SIK3: variants seen among roughly 807,000 people sequenced by gnomAD.
SIK3 encodes SIK family kinase 3.
Under a neutral mutation model 144.2 loss-of-function variants are expected in SIK3, and 28 were observed. The observed-to-expected ratio is 0.19, with a 90% CI of 0.14 to 0.27. SIK3 has a LOEUF of 0.27. Among genes scored for constraint, SIK3 ranks in the 10% least tolerant of loss-of-function variants. The pLI, the probability that SIK3 is intolerant of heterozygous loss-of-function variation, is 1.00. For synonymous variants in SIK3, 686 were observed against 676.3 expected (o/e 1.01, Z -0.22); for missense variants, 1,319 against 1,776.0 (o/e 0.74, Z 4.62).
chr11:116,854,549 T>C (rs1249553029), intron 21 of SIK3, among the ~76,000 whole-genome samples: 1 of 152,160 alleles, frequency 6.6e-6, no homozygotes, highest in East Asian at 1.9e-4. Context: ...GAGGACAGGT[T>C]ATCCTTTCAT....
intron 15 of SIK3, 183 bp from the exon 16 acceptor site, chr11:116,864,001 C>A: frequency 1.9e-6 from 1 of 538,330 alleles, no homozygotes; most frequent in Non-Finnish European, 3.2e-6. Flanking sequence ...CTTTAGAGGG[C>A]TCCAGGTGTA....
In SIK3 at chr11:116,875,508, A is replaced by C; in HGVS notation, c.1240-57T>G. 2.0e-6 allele frequency: 3 copies of C among 1,537,716 alleles called. No individual in the cohort carries two copies. In the South Asian group the frequency reaches 3.5e-5, roughly 18 times the overall value. On this transcript the variant is annotated intron_variant, in intron 9 of 24. Transcript: ENST00000445177. ...CCTTTAACACTAGAGAGAAATAATG[A>C]GTCTTTCCAAGTAGTCTTGATTGCT...
At chr11:117,039,629 T>C (rs1466921112) in intron 1 of SIK3, among the ~76,000 whole-genome samples, 1 of 152,196 alleles carries the variant, frequency 6.6e-6, no homozygotes, top group Non-Finnish European at 1.5e-5. Flanking sequence ...AAAAGACATA[T>C]TTTTTTAAGA....
intron 6 of SIK3, 144 bp downstream of exon 6, chr11:116,896,109 C>T: frequency 8.8e-7 from 1 of 1,131,054 alleles, no homozygotes; most frequent in South Asian, 1.4e-5. Context: ...AGAACCTTGC[C>T]TCCTGGAGGC....
chr11:116,853,235 G>A (rs1223153204), intron 21 of SIK3, among the ~76,000 whole-genome samples: 1 of 152,170 alleles, frequency 6.6e-6, no homozygotes, highest in Non-Finnish European at 1.5e-5. Context: ...GAGTCTAGAA[G>A]TCCTTTGTGA....
chr11:116,951,983 T>C (rs1257086220), intron 3 of SIK3, among the ~76,000 whole-genome samples: 1 of 132,848 alleles, frequency 7.5e-6, no homozygotes, highest in Admixed American at 7.6e-5. Flanking sequence ...AATAAATAAA[T>C]AAAATCTGCT....
chr11:116,948,205 T>C (rs1239758223), intron 3 of SIK3, among the ~76,000 whole-genome samples: 2 of 152,144 alleles, frequency 1.3e-5, no homozygotes, highest in Admixed American at 1.3e-4. Flanking sequence ...CCCAAAGTGC[T>C]AGGATTATAG....
intron 4 of SIK3, among the ~76,000 whole-genome samples, chr11:116,926,472 G>T (rs980564056): frequency 6.6e-6 from 1 of 152,108 alleles, no homozygotes; most frequent in Non-Finnish European, 1.5e-5. Context: ...CTGCCTATAA[G>T]CCACTCTAAG....
chr11:117,042,813 A>G (rs760554871), intron 1 of SIK3, among the ~76,000 whole-genome samples: 5 of 152,254 alleles, frequency 3.3e-5, no homozygotes, highest in African/African-American at 4.8e-5. Context: ...CAATGATGGC[A>G]CATAACTAAA....
chr11:116,992,326 C>CA (rs577405567), intron 1 of SIK3, among the ~76,000 whole-genome samples: 4,158 of 131,068 alleles, frequency 0.032, 103 homozygotes, highest in Non-Finnish European at 0.042. Flanking sequence ...CCCCCCCCCC[C>CA]AAAAAAAAAC....
At chr11:117,086,086 G>A (rs1296613972) in intron 1 of SIK3, among the ~76,000 whole-genome samples, 1 of 152,172 alleles carries the variant, frequency 6.6e-6, no homozygotes, top group Non-Finnish European at 1.5e-5. Context: ...GCTTCTATTG[G>A]AGATAAAAGA....
At chr11:117,060,422 C>A (rs1263102445) in intron 1 of SIK3, among the ~76,000 whole-genome samples, 1 of 151,798 alleles carries the variant, frequency 6.6e-6, no homozygotes, top group African/African-American at 2.4e-5. Flanking sequence ...CATGGTGAAA[C>A]CCCATCTCTA....
Position 116,887,487 on chromosome 11 carries a change from C to T in SIK3, c.865+8766G>A, listed in dbSNP as rs372468799. Among the ~76,000 whole-genome samples, 24 of 151,758 alleles carry T rather than the reference C, an allele frequency of 1.6e-4. No homozygotes were observed. The South Asian group carries it at 3.6e-3, about 22-fold the overall frequency. ...CAAAAATTAGCTGGGTGTGGTGGCA[C>T]GCACCTGTAGTCCCAGCCACCCAGG... On this transcript the variant is annotated intron_variant, in intron 6 of 24. Coordinates refer to ENST00000445177, the MANE Select transcript of SIK3 (RefSeq NM_001366686.3).
At position 116,863,651 on chromosome 11, in the gene SIK3, G is replaced by A. The variant is rs757296811; in HGVS notation, c.2103+17C>T. 6.2e-7 allele frequency: 1 copy of A among 1,613,718 alleles called. No homozygotes were observed. The highest frequency in any genetic ancestry group is 1.1e-5 in the South Asian group (1 of 91,044). On this transcript the variant is annotated intron_variant, in intron 16 of 24. Transcript: ENST00000445177. ...CACCCATGCTCCTCCAGGGATGCCT[G>A]CCACCTCTTCCATTACCTGCTGCAG...
intron 1 of SIK3, among the ~76,000 whole-genome samples, chr11:117,023,561 A>C (rs1015655212): frequency 6.9e-6 from 1 of 145,978 alleles, no homozygotes; most frequent in African/African-American, 2.5e-5. Context: ...ATGTGCCACT[A>C]TGCCCAGCTA....
intron 3 of SIK3, among the ~76,000 whole-genome samples, chr11:116,932,675 C>T (rs1947680162): frequency 6.6e-6 from 1 of 152,172 alleles, no homozygotes; most frequent in Non-Finnish European, 1.5e-5. Context: ...TTCCTCTATG[C>T]CCCACCATCC....
chr11:117,055,326 A>G (rs566648482), intron 1 of SIK3, among the ~76,000 whole-genome samples: 1 of 152,366 alleles, frequency 6.6e-6, no homozygotes, highest in East Asian at 1.9e-4. Context: ...CTTAGTGTAC[A>G]TGAGACACTA....
intron 1 of SIK3, among the ~76,000 whole-genome samples, chr11:117,043,828 C>T (rs906542220): frequency 1.3e-5 from 2 of 152,188 alleles, no homozygotes; most frequent in Admixed American, 1.3e-4. Context: ...CTGTGTGAAA[C>T]AAAACACAGT....
chr11:116,990,132 T>C (rs2135553771), intron 1 of SIK3, among the ~76,000 whole-genome samples: 1 of 152,322 alleles, frequency 6.6e-6, no homozygotes, highest in Middle Eastern at 3.4e-3. Context: ...AAGAAAAGGC[T>C]ATGACTGAAC....
Sources: gnomAD v4.1 joint callset for allele counts (sites outside exome capture counted in the v4.1 genomes callset) on GRCh38, gnomAD v4.1.1 for gene constraint, MANE v1.5 for transcripts, NCBI Gene and HGNC (gene_info 2026-07-23, HGNC 2026-07-21) for gene names.